The following CSMD1 variants were observed in gnomAD, a reference collection of about 807,000 sequenced individuals.
CSMD1 encodes the protein CUB and sushi domain-containing protein 1.
In CSMD1, 213 loss-of-function variants were observed where a neutral mutation model predicts 417.5. The ratio of observed to expected loss-of-function variants is 0.51; its 90% CI spans 0.46 to 0.57. The LOEUF is 0.57. Among genes scored for constraint, CSMD1 ranks in the 20% least tolerant of loss-of-function variants. The pLI, the probability that CSMD1 is intolerant of heterozygous loss-of-function variation, is 0.00. For missense variants in CSMD1, 6,923 were observed against 4,529.7 expected (o/e 1.53, Z -15.17); for synonymous variants, 2,862 against 1,736.8 (o/e 1.65, Z -16.11).
intron 12 of CSMD1, among the ~76,000 whole-genome samples, chr8:3,438,399 C>T (rs567448296): frequency 6.6e-6 from 1 of 152,110 alleles, no homozygotes; most frequent in Admixed American, 6.5e-5. Flanking sequence ...CTCCCGTTGA[C>T]CCTTGATAGC....
rs1018294680 is a variant in CSMD1, at chr8:3,781,804, G to T, written c.819-27762C>A. ...TGAATAAATGTTTCCTTTTAAAAAA[G>T]TTATGACTTTTTATGATTTTGCTCT... On this transcript the variant is annotated intron_variant, in intron 5 of 69. Coordinates refer to ENST00000635120, the MANE Select transcript of CSMD1 (RefSeq NM_033225.6). Among the ~76,000 whole-genome samples, 3 of 152,084 alleles carry T rather than the reference G, an allele frequency of 2.0e-5. 1 individual carries two copies. The highest frequency in any genetic ancestry group is 1.3e-4 in the Admixed American group (2 of 15,256).
intron 1 of CSMD1, among the ~76,000 whole-genome samples, chr8:4,698,318 G>A (rs186766709): frequency 3.3e-5 from 5 of 152,152 alleles, no homozygotes; most frequent in African/African-American, 2.4e-5. Context: ...GATGAACAAC[G>A]GCTCATGGAA....
intron 1 of CSMD1, among the ~76,000 whole-genome samples, chr8:4,732,408 T>C (rs972033029): frequency 6.6e-6 from 1 of 151,356 alleles, no homozygotes; most frequent in Non-Finnish European, 1.5e-5. Context: ...AGATTCTCAC[T>C]CTGGACATGC....
intron 5 of CSMD1, among the ~76,000 whole-genome samples, chr8:3,791,802 G>A (rs928447988): frequency 5.3e-5 from 8 of 151,774 alleles, no homozygotes; most frequent in Admixed American, 3.3e-4. Context: ...CAGCCTGGGT[G>A]ACAGAATAAG....
chr8:4,235,306 G>T (rs923127226), intron 3 of CSMD1, among the ~76,000 whole-genome samples: 1 of 151,092 alleles, frequency 6.6e-6, no homozygotes, highest in Non-Finnish European at 1.5e-5. Context: ...TGGAAAAAAA[G>T]AAATTTTAAA....
chr8:3,799,296 T>C (rs1046375120), intron 5 of CSMD1, among the ~76,000 whole-genome samples: 1 of 151,916 alleles, frequency 6.6e-6, no homozygotes, highest in Non-Finnish European at 1.5e-5. Flanking sequence ...GTGCACAATG[T>C]GCAGGTTTGT....
At chr8:3,256,323 A>AAGAG (rs368892089) in intron 26 of CSMD1, among the ~76,000 whole-genome samples, 28,136 of 137,926 alleles carry the variant, frequency 0.2, 3,002 homozygotes, top group African/African-American at 0.26. Context: ...AAAAAAAAAA[A>AAGAG]AAGAGAAGAA....
intron 3 of CSMD1, among the ~76,000 whole-genome samples, chr8:4,192,231 C>A (rs1383260703): frequency 6.6e-6 from 1 of 152,098 alleles, no homozygotes; most frequent in Non-Finnish European, 1.5e-5. Context: ...TGAATGTTAA[C>A]AAAATATAGT....
chr8:4,186,467 C>T (rs1445016849), intron 3 of CSMD1, among the ~76,000 whole-genome samples: 1 of 151,696 alleles, frequency 6.6e-6, no homozygotes, highest in Admixed American at 6.6e-5. Flanking sequence ...AATAAGGATG[C>T]TAATAAGGAA....
intron 1 of CSMD1, among the ~76,000 whole-genome samples, chr8:4,797,302 G>A (rs1010673664): frequency 1.3e-5 from 2 of 152,168 alleles, no homozygotes; most frequent in African/African-American, 4.8e-5. Flanking sequence ...CAATGATGCT[G>A]CTCTTGCTTT....
chr8:4,679,543 T>C (rs867891945), intron 1 of CSMD1, among the ~76,000 whole-genome samples: 2 of 152,150 alleles, frequency 1.3e-5, no homozygotes, highest in Admixed American at 6.5e-5. Flanking sequence ...AATGCCAAAT[T>C]TGAGGAGCAC....
At chr8:3,289,942 G>C (rs1203596875) in intron 25 of CSMD1, among the ~76,000 whole-genome samples, 1 of 147,512 alleles carries the variant, frequency 6.8e-6, no homozygotes, top group East Asian at 2.0e-4. Context: ...TTTTCTTCTA[G>C]GGTTTTTATA....
chr8:3,794,408 C>A (rs537811258), intron 5 of CSMD1, among the ~76,000 whole-genome samples: 1 of 152,138 alleles, frequency 6.6e-6, no homozygotes, highest in Non-Finnish European at 1.5e-5. Context: ...CTATCACTAA[C>A]AACCTGTACC....
At chr8:3,681,428 TC>T (rs1799655748) in intron 7 of CSMD1, among the ~76,000 whole-genome samples, 1 of 152,060 alleles carries the variant, frequency 6.6e-6, no homozygotes, top group Non-Finnish European at 1.5e-5. Flanking sequence ...ATGAGTGAAC[TC>T]CCATTGACAA....
At chr8:4,744,338 G>C (rs907086319) in intron 1 of CSMD1, among the ~76,000 whole-genome samples, 1 of 152,118 alleles carries the variant, frequency 6.6e-6, no homozygotes. Context: ...TGTGTGCTGT[G>C]CTAGCCACAA....
intron 12 of CSMD1, among the ~76,000 whole-genome samples, chr8:3,420,881 A>G (rs193296962): frequency 6.6e-4 from 100 of 152,212 alleles, no homozygotes; most frequent in Non-Finnish European, 1.2e-3. Flanking sequence ...AATGCTTCCC[A>G]TGATTGAGAA....
rs1209930498 is a variant in CSMD1 at position 4,266,749 on chromosome 8, G to A, written c.415+153204C>T. 1.9e-5 allele frequency among the ~76,000 whole-genome samples: 2 copies of A among 104,670 alleles called. 1 individual carries two copies. The highest frequency in any genetic ancestry group is 5.1e-5 in the Non-Finnish European group (2 of 38,868). The allele number at this position is 104,670 out of a possible 152,430, so 68.7% of individuals were successfully genotyped here. On this transcript the variant is annotated intron_variant, in intron 3 of 69. Transcript: ENST00000635120. ...CTAATTTTTTGTCTAATAAAAATTT[G>A]ATGATCTATAAATCCTCAAAATAGT... is the stretch of plus-strand genomic sequence containing the variant.
intron 37 of CSMD1, among the ~76,000 whole-genome samples, chr8:3,168,807 A>G (rs1820399311): frequency 6.9e-6 from 1 of 144,736 alleles, no homozygotes; most frequent in East Asian, 2.9e-4. Context: ...CATATCTTAA[A>G]TGCTATTTCT....
At chr8:3,572,804 C>A (rs1799998263) in intron 10 of CSMD1, among the ~76,000 whole-genome samples, 2 of 152,122 alleles carry the variant, frequency 1.3e-5, no homozygotes, top group Non-Finnish European at 2.9e-5. Flanking sequence ...TAACTCAAGT[C>A]AACACCTAAT....
Sources: allele counts gnomAD v4.1 joint callset (sites outside exome capture counted in the v4.1 genomes callset), GRCh38; gene constraint gnomAD v4.1.1; transcripts MANE v1.5; gene names NCBI Gene and HGNC (gene_info 2026-07-23, HGNC 2026-07-21).